GRB10: variants seen among roughly 807,000 people sequenced by gnomAD.
The protein encoded by GRB10 is growth factor receptor bound protein 10, also known as growth factor receptor-bound protein 10.
A neutral mutation model predicts 80.9 loss-of-function variants in GRB10; 20 were observed. The ratio of observed to expected loss-of-function variants is 0.25; its 90% CI spans 0.17 to 0.36. The LOEUF (loss-of-function observed/expected upper bound fraction) is 0.36, where lower values mean the gene tolerates loss of function less well. Ranked by LOEUF, GRB10 falls within the 10% of genes least tolerant of loss-of-function variation. GRB10 has a pLI of 1.00. For missense variants in GRB10, 548 were observed against 747.7 expected (o/e 0.73, Z 3.12); for synonymous variants, 291 against 291.5 (o/e 1.00, Z 0.02).
At chr7:50,657,517 T>C (rs1183100543) in intron 7 of GRB10, among the ~76,000 whole-genome samples, 5 of 152,222 alleles carry the variant, frequency 3.3e-5, no homozygotes, top group Admixed American at 2.6e-4. Context: ...TGTTCCCATT[T>C]AAATCTTTTC....
At position 50,616,331 on chromosome 7, in the gene GRB10, C is replaced by T. The variant is rs779654784; in HGVS notation, c.863G>A (p.Ser288Asn). ...TQLLQNFLNSSSCPEIQGFLH... is the reference protein window; with the variant it reads ...TQLLQNFLNSNSCPEIQGFLH... ...AAACCCTTGAATTTCAGGACAACTA[C>T]TGGAGTTCAGAAAATTCTGTTGAAG... The change falls in exon 11 of 19, where the codon AGT (serine) becomes AAT (asparagine). Residue 288 changes from serine (S) to asparagine (N), a missense_variant. Physicochemically the swap from Ser to Asn is conservative, Grantham distance 46. Around this residue, in one of 4 missense-constraint regions of GRB10, gnomAD observed 270 missense variants for 433.6 expected, o/e 0.62. Transcript: ENST00000401949. The T allele has an allele frequency of 3.1e-6, 5 of 1,614,026 alleles. No individual in the cohort carries two copies. The highest frequency in any genetic ancestry group is 1.7e-5 in the Admixed American group (1 of 60,006).
intron 5 of GRB10, among the ~76,000 whole-genome samples, chr7:50,692,260 G>A (rs999931996): frequency 2.6e-5 from 4 of 151,928 alleles, no homozygotes; most frequent in African/African-American, 9.7e-5. Flanking sequence ...TTTGCAGGAG[G>A]TTCCTGCAGA....
intron 7 of GRB10, among the ~76,000 whole-genome samples, chr7:50,642,278 T>TCACA (rs139544102): frequency 2.1e-3 from 309 of 149,742 alleles, no homozygotes; most frequent in East Asian, 0.012. Context: ...CTTGGAAACT[T>TCACA]CACACACACA....
chr7:50,622,631 C>T (rs922161269), intron 8 of GRB10, among the ~76,000 whole-genome samples: 2 of 152,180 alleles, frequency 1.3e-5, no homozygotes, highest in Non-Finnish European at 2.9e-5. Context: ...TGCCTGATGT[C>T]TACAGTTACT....
intron 7 of GRB10, among the ~76,000 whole-genome samples, chr7:50,660,116 G>A (rs1356940534): frequency 6.6e-6 from 1 of 152,236 alleles, no homozygotes; most frequent in East Asian, 1.9e-4. Flanking sequence ...GTGGGGCACA[G>A]TAGTGGTGCC....
chr7:50,641,905 G>A (rs368684822), intron 7 of GRB10, among the ~76,000 whole-genome samples: 35 of 152,348 alleles, frequency 2.3e-4, no homozygotes, highest in African/African-American at 6.7e-4. Flanking sequence ...AGGCAAGGGC[G>A]TGGGAAGGCT....
chr7:50,653,845 G>T (rs1586411107), intron 7 of GRB10, among the ~76,000 whole-genome samples: 2 of 152,344 alleles, frequency 1.3e-5, no homozygotes, highest in African/African-American at 4.8e-5. Context: ...GACCTCTGAA[G>T]TACAGGCTGG....
At chr7:50,677,074 G>A (rs1002913974) in intron 5 of GRB10, among the ~76,000 whole-genome samples, 2 of 152,148 alleles carry the variant, frequency 1.3e-5, no homozygotes, top group African/African-American at 2.4e-5. Flanking sequence ...AGATGGATCC[G>A]AAGATGCGGA....
At chr7:50,710,970 T>G (rs2065806510) in intron 4 of GRB10, 1 of 1,433,190 alleles carries the variant, frequency 7.0e-7, no homozygotes, top group South Asian at 1.1e-5. Flanking sequence ...CAGCCTGCCC[T>G]GTGCACAATA....
intron 8 of GRB10, among the ~76,000 whole-genome samples, chr7:50,625,583 G>A (rs1156801713): frequency 6.6e-6 from 1 of 152,200 alleles, no homozygotes; most frequent in Non-Finnish European, 1.5e-5. Flanking sequence ...GGGAACAACT[G>A]TGACATCATG....
rs1297518878 is a variant in GRB10 at position 50,592,102 on chromosome 7, G to A, written c.*850C>T. ...TGACGGGTGCCAGGTGTGTCTCAAG[G>A]AGGCTGGCCCACGTCAATCTAGAGG... is the stretch of plus-strand genomic sequence containing the variant. On this transcript the variant is annotated 3_prime_UTR_variant, in exon 19 of 19. Transcript: ENST00000401949. 1 of 152,266 alleles carries A rather than the reference G, an allele frequency of 6.6e-6. No homozygotes were observed. The highest frequency in any genetic ancestry group is 1.5e-5 in the Non-Finnish European group (1 of 68,068). The allele number at this position is 152,266 out of a possible 1,614,324, so 9.4% of individuals were successfully genotyped here. A position where few individuals can be genotyped will look rare whatever the true frequency, so the allele number is the denominator to read the frequency against.
rs759494839 is a variant in GRB10 at position 50,732,266 on chromosome 7, C to T, written c.51+6G>A. 1 of 1,613,750 alleles carries T rather than the reference C, an allele frequency of 6.2e-7. No individual in the cohort carries two copies. The highest frequency in any genetic ancestry group is 1.1e-5 in the South Asian group (1 of 91,070). ...GCCAGGATCAGATATATGTGCTCGC[C>T]CATACCTGGTAGTACGGATGGTGCA... On this transcript the variant is annotated splice_donor_region_variant and intron_variant, in intron 4 of 18. Coordinates refer to ENST00000401949, the MANE Select transcript of GRB10 (RefSeq NM_001350814.2).
chr7:50,717,612 C>T (rs1424665114), intron 4 of GRB10, among the ~76,000 whole-genome samples: 6 of 152,234 alleles, frequency 3.9e-5, no homozygotes, highest in African/African-American at 1.2e-4. Context: ...CCTCCTTATC[C>T]ACCACTGAAG....
At chr7:50,681,253 A>C (rs1041314831) in intron 5 of GRB10, among the ~76,000 whole-genome samples, 3 of 152,158 alleles carry the variant, frequency 2.0e-5, no homozygotes, top group Non-Finnish European at 4.4e-5. Flanking sequence ...AGGCTGGGAG[A>C]CAAGAAGGGG....
At chr7:50,595,378 AT>A in intron 18 of GRB10, 58 bp downstream of exon 18, 1 of 924,654 alleles carries the variant, frequency 1.1e-6, no homozygotes, top group Non-Finnish European at 1.8e-6. Flanking sequence ...TGAAAATTGC[AT>A]TAAGAATGAA....
chr7:50,771,833 G>A (rs908950281), intron 2 of GRB10, among the ~76,000 whole-genome samples: 3 of 152,210 alleles, frequency 2.0e-5, no homozygotes, highest in East Asian at 1.9e-4. Context: ...AGAGGAAAGA[G>A]GATCTATTTC....
intron 13 of GRB10, among the ~76,000 whole-genome samples, chr7:50,608,964 C>CAAA (rs60832218): frequency 1.0e-5 from 1 of 100,360 alleles, no homozygotes; most frequent in African/African-American, 4.0e-5. Context: ...GACCCTGACT[C>CAAA]AAAAAAAAAA....
rs2060297954 is a variant in GRB10 at position 50,670,972 on chromosome 7, C to T, written c.363-1109G>A. Among the ~76,000 whole-genome samples the T allele has an allele frequency of 1.3e-5, 2 of 152,200 alleles. 1 individual carries two copies. The highest frequency in any genetic ancestry group is 4.1e-4 in the South Asian group (2 of 4,826). ...TTCCCTCCTCCGAAAAATGCACAACCCACTTGTCACACAACTATGCAACAC... is the reference window on the plus strand; with the variant it reads ...TTCCCTCCTCCGAAAAATGCACAACTCACTTGTCACACAACTATGCAACAC... On this transcript the variant is annotated intron_variant, in intron 6 of 18. Transcript: ENST00000401949.
intron 7 of GRB10, among the ~76,000 whole-genome samples, chr7:50,659,796 C>A (rs574867413): frequency 6.6e-6 from 1 of 152,334 alleles, no homozygotes; most frequent in East Asian, 1.9e-4. Flanking sequence ...GTGAGCAATG[C>A]AATGGGATCT....
Sources: gnomAD v4.1 joint callset for allele counts (sites outside exome capture counted in the v4.1 genomes callset) on GRCh38, gnomAD v4.1.1 for gene constraint, gnomAD v4.1.1 regional missense constraint, MANE v1.5 for transcripts, NCBI Gene and HGNC (gene_info 2026-07-23, HGNC 2026-07-21) for gene names.